Variants in CADM2 observed in about 807,000 individuals in gnomAD.
CADM2 encodes immunoglobulin superfamily member 4D.
In CADM2, 12 loss-of-function variants were observed where a neutral mutation model predicts 49.8. That is an observed-to-expected ratio of 0.24 (90% CI 0.15 to 0.39). CADM2 has a LOEUF of 0.39. Among genes scored for constraint, CADM2 ranks in the 10% least tolerant of loss-of-function variants. CADM2 has a pLI of 1.00. For missense variants in CADM2, 378 were observed against 492.3 expected (o/e 0.77, Z 2.20); for synonymous variants, 214 against 175.4 (o/e 1.22, Z -1.74).
chr3:85,211,796 T>C (rs2041786428), intron 1 of CADM2, among the ~76,000 whole-genome samples: 1 of 152,188 alleles, frequency 6.6e-6, no homozygotes, highest in Non-Finnish European at 1.5e-5. Context: ...TAGGTCTATA[T>C]GCTATATAGT....
chr3:86,020,517 A>T (rs369353312), intron 8 of CADM2, among the ~76,000 whole-genome samples: 1 of 151,594 alleles, frequency 6.6e-6, no homozygotes, highest in African/African-American at 2.4e-5. Flanking sequence ...TACCAAAGCC[A>T]GGCAGAGACA....
intron 1 of CADM2, among the ~76,000 whole-genome samples, chr3:85,337,631 T>C (rs1056509818): frequency 1.3e-5 from 2 of 151,460 alleles, no homozygotes; most frequent in African/African-American, 4.8e-5. Flanking sequence ...CTAAATACTA[T>C]TCACCACTTT....
At chr3:85,657,763 T>TATATATATATACACAG (rs1553656540) in intron 1 of CADM2, among the ~76,000 whole-genome samples, 8 of 122,230 alleles carry the variant, frequency 6.5e-5, no homozygotes, top group Non-Finnish European at 1.4e-4. Context: ...TATACACAGA[T>TATATATATATACACAG]ATATATATAT....
chr3:85,964,637 T>C (rs183717601), intron 8 of CADM2, among the ~76,000 whole-genome samples: 6 of 151,700 alleles, frequency 4.0e-5, no homozygotes, highest in African/African-American at 1.5e-4. Context: ...TAACTGCCAG[T>C]CTAAAATTTA....
intron 8 of CADM2, among the ~76,000 whole-genome samples, chr3:85,968,759 A>ATG (rs1725761110): frequency 6.6e-6 from 1 of 151,576 alleles, no homozygotes; most frequent in African/African-American, 2.4e-5. Flanking sequence ...ACCCAAGTAT[A>ATG]TGTGTGTTAA....
At chr3:85,844,332 T>G (rs1386991172) in intron 3 of CADM2, among the ~76,000 whole-genome samples, 1 of 152,164 alleles carries the variant, frequency 6.6e-6, no homozygotes, top group African/African-American at 2.4e-5. Flanking sequence ...TTATAATATT[T>G]TTTTATTTAG....
chr3:85,797,944 G>A (rs1325721485), intron 2 of CADM2, among the ~76,000 whole-genome samples: 3 of 152,024 alleles, frequency 2.0e-5, no homozygotes, highest in Admixed American at 1.3e-4. Flanking sequence ...TTTTTAATGA[G>A]TGCCATTCTA....
intron 1 of CADM2, among the ~76,000 whole-genome samples, chr3:85,348,122 A>G (rs147583483): frequency 1.3e-5 from 2 of 152,066 alleles, no homozygotes; most frequent in African/African-American, 4.8e-5. Flanking sequence ...ACATCCTACT[A>G]TCTCCTCCCA....
At chr3:85,702,548 G>A (rs1255315827) in intron 1 of CADM2, among the ~76,000 whole-genome samples, 1 of 152,092 alleles carries the variant, frequency 6.6e-6, no homozygotes, top group Non-Finnish European at 1.5e-5. Context: ...TGCTTTAGAA[G>A]CAAACTGTGA....
At chr3:85,265,883 T>A (rs902668499) in intron 1 of CADM2, among the ~76,000 whole-genome samples, 1 of 151,974 alleles carries the variant, frequency 6.6e-6, no homozygotes, top group African/African-American at 2.4e-5. Flanking sequence ...AATAAATATA[T>A]GTTTTTCCAA....
intron 1 of CADM2, among the ~76,000 whole-genome samples, chr3:85,315,438 T>C (rs2044443182): frequency 6.6e-6 from 1 of 152,086 alleles, no homozygotes; most frequent in African/African-American, 2.4e-5. Flanking sequence ...AAACCCAGTA[T>C]AAGAAAAACA....
At chr3:85,866,976 G>T (rs143151190) in intron 3 of CADM2, among the ~76,000 whole-genome samples, 29 of 152,140 alleles carry the variant, frequency 1.9e-4, no homozygotes, top group African/African-American at 7.0e-4. Context: ...CTAGTAGAAT[G>T]AATAACAGCA....
At chr3:85,922,388 CTT>C in intron 6 of CADM2, among the ~76,000 whole-genome samples, 1 of 151,306 alleles carries the variant, frequency 6.6e-6, no homozygotes, top group Non-Finnish European at 1.5e-5. Context: ...CTGGGCCACA[CTT>C]TTTTTGTTTT....
intron 1 of CADM2, among the ~76,000 whole-genome samples, chr3:85,142,990 G>A (rs1478992392): frequency 6.6e-6 from 1 of 152,044 alleles, no homozygotes; most frequent in Non-Finnish European, 1.5e-5. Flanking sequence ...AAGATATATT[G>A]CAAATTTTCT....
intron 5 of CADM2, among the ~76,000 whole-genome samples, chr3:85,904,625 T>A (rs972718470): frequency 3.3e-5 from 5 of 152,196 alleles, no homozygotes; most frequent in Non-Finnish European, 1.5e-5. Flanking sequence ...ACCTTAAATA[T>A]GTATGTGTGT....
intron 1 of CADM2, among the ~76,000 whole-genome samples, chr3:85,606,375 A>G (rs2063539280): frequency 6.6e-6 from 1 of 152,138 alleles, no homozygotes; most frequent in Admixed American, 6.6e-5. Flanking sequence ...AAACAACTGG[A>G]ATCTAATAAT....
At position 85,667,459 on chromosome 3, in the gene CADM2, C is replaced by T. The variant is rs185526283; in HGVS notation, c.62-59063C>T. ...GTCAAGACTAACCACATTTCCAGTGCTCAGTTACATTACCAGGCTAGTGGT... is the reference window on the plus strand; with the variant it reads ...GTCAAGACTAACCACATTTCCAGTGTTCAGTTACATTACCAGGCTAGTGGT... On this transcript the variant is annotated intron_variant, in intron 1 of 9. Transcript: ENST00000383699. Among the ~76,000 whole-genome samples the T allele has an allele frequency of 8.4e-4, 127 of 152,086 alleles. 1 individual carries two copies. The highest frequency in any genetic ancestry group is 3.0e-3 in the African/African-American group (123 of 41,520).
chr3:86,012,955 A>T (rs1731731786), intron 8 of CADM2: 1 of 707,912 alleles, frequency 1.4e-6, no homozygotes, highest in African/African-American at 1.7e-5. Context: ...AGCCTGGGCG[A>T]CAGCGAGACT....
chr3:85,641,243 A>C (rs2064700755), intron 1 of CADM2, among the ~76,000 whole-genome samples: 1 of 152,200 alleles, frequency 6.6e-6, no homozygotes, highest in African/African-American at 2.4e-5. Flanking sequence ...TAGTGATAGA[A>C]GTAAATACAC....
Sources: gnomAD v4.1 joint callset for allele counts (sites outside exome capture counted in the v4.1 genomes callset) on GRCh38, gnomAD v4.1.1 for gene constraint, MANE v1.5 for transcripts, NCBI Gene and HGNC (gene_info 2026-07-23, HGNC 2026-07-21) for gene names.